Variants in APOOL observed in about 807,000 individuals in gnomAD.
APOOL encodes apolipoprotein O like.
A neutral mutation model predicts 23.1 loss-of-function variants in APOOL; 12 were observed. The observed-to-expected ratio is 0.52, with a 90% confidence interval of 0.33 to 0.84. APOOL has a LOEUF of 0.84. APOOL is among the 40% of genes least tolerant of loss of function. APOOL has a pLI of 0.02. For missense variants in APOOL, 212 were observed against 199.6 expected (o/e 1.06, Z -0.37); for synonymous variants, 77 against 69.9 (o/e 1.10, Z -0.51).
chrX:85,076,176 A>G (rs1434147784), intron 8 of APOOL, among the ~76,000 whole-genome samples: 1 of 111,006 alleles, frequency 9.0e-6, no homozygotes, highest in Non-Finnish European at 1.9e-5. Context: ...CCATCTCCTA[A>G]TACCATCACA....
chrX:85,010,665 A>T (rs1162038546), intron 1 of APOOL, among the ~76,000 whole-genome samples: 3 of 111,785 alleles, frequency 2.7e-5, no homozygotes, highest in Non-Finnish European at 3.8e-5. Context: ...GGTTGCTGCA[A>T]ATGCCATTAT....
chrX:85,019,598 C>T (rs867329761), intron 1 of APOOL, among the ~76,000 whole-genome samples: 7 of 112,027 alleles, frequency 6.2e-5, no homozygotes, highest in Admixed American at 9.4e-5. Flanking sequence ...TAGCAGCTGA[C>T]GTGAGGATCT....
At chrX:85,005,395 C>CCA (rs1921031450) in intron 1 of APOOL, among the ~76,000 whole-genome samples, 1 of 15,947 alleles carries the variant, frequency 6.3e-5, no homozygotes, top group Admixed American at 4.5e-4. Flanking sequence ...TCGTGATTCA[C>CCA]CCCCCCCCCC....
At chrX:85,041,635 C>T (rs775793991) in intron 1 of APOOL, among the ~76,000 whole-genome samples, 2 of 111,363 alleles carry the variant, frequency 1.8e-5, no homozygotes, top group South Asian at 3.9e-4. Flanking sequence ...GAGTCCAAGG[C>T]CCTTGGGCAT....
chrX:85,046,610 A>G, intron 2 of APOOL, 60 bp downstream of exon 2: 8 of 926,405 alleles, frequency 8.6e-6, no homozygotes, highest in Non-Finnish European at 1.2e-5. Context: ...CAAAAGCTAT[A>G]TTTTTTAAAA....
In APOOL at chrX:85,080,176, T is replaced by C. The variant is rs1924036809; in HGVS notation, c.718+5785T>C. ...CTTGCTTCTCTAGTTCTTTTAATTG[T>C]GATGTTAGGGTGTCAATTTTAGATC... On this transcript the variant is annotated intron_variant, in intron 8 of 8. Transcript: ENST00000373173. Among the ~76,000 whole-genome samples, 4 of 111,961 alleles carry C rather than the reference T, an allele frequency of 3.6e-5. No homozygotes were observed. In the South Asian group the frequency reaches 1.5e-3, roughly 41 times the overall value.
chrX:85,025,521 C>T (rs908894960), intron 1 of APOOL, among the ~76,000 whole-genome samples: 1 of 112,103 alleles, frequency 8.9e-6, no homozygotes, highest in African/African-American at 3.2e-5. Flanking sequence ...AGGCAAGTCC[C>T]TTCCACCTAT....
chrX:85,043,631 T>C (rs1450911911), intron 1 of APOOL, among the ~76,000 whole-genome samples: 1 of 111,880 alleles, frequency 8.9e-6, no homozygotes, highest in Non-Finnish European at 1.9e-5. Context: ...TTTCCCTCTT[T>C]AAGATAGTGA....
intron 1 of APOOL, among the ~76,000 whole-genome samples, chrX:85,036,745 G>A (rs533024301): frequency 1.8e-4 from 20 of 110,747 alleles, no homozygotes; most frequent in Middle Eastern, 4.6e-3. Context: ...GTGGTTTTTG[G>A]TTACATGGAT....
intron 1 of APOOL, chrX:85,046,193 A>T (rs1410309765): frequency 1.5e-4 from 36 of 237,514 alleles, no homozygotes; most frequent in Non-Finnish European, 7.4e-6. Flanking sequence ...ATAATATTCC[A>T]GATAAATATT....
At chrX:85,059,442 G>A (rs1482651555) in intron 5 of APOOL, among the ~76,000 whole-genome samples, 4 of 110,385 alleles carry the variant, frequency 3.6e-5, no homozygotes, top group Non-Finnish European at 7.6e-5. Flanking sequence ...GTATCCCTGA[G>A]GAATCGCCAC....
rs1351343780 is a variant in APOOL at position 85,090,455 on chromosome X, T to A, written c.*2777T>A. ...TTTGTCTATTATGATATAGTTGTCT[T>A]GACAACTATAATGAATAGCTGTCTT... On this transcript the variant is annotated 3_prime_UTR_variant, in exon 9 of 9. Coordinates refer to ENST00000373173, the MANE Select transcript of APOOL (RefSeq NM_198450.6). 4.5e-5 allele frequency: 5 copies of A among 111,493 alleles called. No individual in the cohort carries two copies. Among genetic ancestry groups the A allele is most frequent in the Non-Finnish European group, 9.4e-5 (5 of 53,122 alleles). The allele number at this position is 111,493 out of a possible 1,213,427, so 9.2% of individuals were successfully genotyped here.
intron 1 of APOOL, among the ~76,000 whole-genome samples, chrX:85,026,219 C>A: frequency 8.8e-6 from 1 of 113,471 alleles, no homozygotes; most frequent in Non-Finnish European, 1.9e-5. Context: ...ACCAGGGCCC[C>A]TTTGGGCCAT....
intron 8 of APOOL, among the ~76,000 whole-genome samples, chrX:85,074,638 G>A (rs2147662292): frequency 9.1e-6 from 1 of 110,120 alleles, no homozygotes; most frequent in South Asian, 3.9e-4. Context: ...GGTTGATTAG[G>A]TGAAGCATTT....
intron 3 of APOOL, among the ~76,000 whole-genome samples, chrX:85,052,406 C>T (rs1922814922): frequency 9.0e-6 from 1 of 111,599 alleles, no homozygotes; most frequent in Non-Finnish European, 1.9e-5. Flanking sequence ...ACATAAACAT[C>T]ATTGTGTTAG....
chrX:85,067,513 T>G (rs1923496917), intron 6 of APOOL, among the ~76,000 whole-genome samples: 1 of 110,965 alleles, frequency 9.0e-6, no homozygotes, highest in South Asian at 3.8e-4. Context: ...ATATATAAAC[T>G]TCAATTTTTA....
intron 1 of APOOL, among the ~76,000 whole-genome samples, chrX:85,032,827 G>T (rs1451547401): frequency 9.0e-6 from 1 of 111,708 alleles, no homozygotes; most frequent in East Asian, 2.8e-4. Context: ...ACTTAAGATT[G>T]GTCTTTTAAG....
intron 4 of APOOL, among the ~76,000 whole-genome samples, chrX:85,055,160 T>C (rs780113554): frequency 2.6e-4 from 29 of 112,074 alleles, no homozygotes; most frequent in Non-Finnish European, 3.8e-4. Flanking sequence ...TTCAAAATTA[T>C]ATTCCTCATC....
At chrX:85,032,096 G>A (rs758968188) in intron 1 of APOOL, among the ~76,000 whole-genome samples, 7 of 111,683 alleles carry the variant, frequency 6.3e-5, no homozygotes, top group South Asian at 3.7e-4. Flanking sequence ...GGCAATATTC[G>A]GTATTTGTCA....
Sources: gnomAD v4.1 joint callset for allele counts (sites outside exome capture counted in the v4.1 genomes callset) on GRCh38, gnomAD v4.1.1 for gene constraint, MANE v1.5 for transcripts, NCBI Gene and HGNC (gene_info 2026-07-23, HGNC 2026-07-21) for gene names.